Variants in LHX4 observed in about 807,000 individuals in gnomAD.
LHX4 encodes the protein LIM homeobox 4.
A neutral mutation model predicts 39.2 loss-of-function variants in LHX4; 16 were observed. The observed-to-expected ratio is 0.41, with a 90% CI of 0.28 to 0.62. The LOEUF (loss-of-function observed/expected upper bound fraction) is 0.62. LHX4 is among the 20% of genes least tolerant of loss of function. The pLI, the probability that LHX4 is intolerant of heterozygous loss-of-function variation, is 0.33. For missense variants in LHX4, 439 were observed against 511.9 expected (o/e 0.86, Z 1.37); for synonymous variants, 206 against 198.1 (o/e 1.04, Z -0.33).
In LHX4 at chr1:180,271,906, G is replaced by A; in HGVS notation, c.678G>A (p.Gln226=). The stretch of plus-strand genomic sequence containing the variant: ...ATGCAGGGCGGCACCGCTGGGGGCA[G>A]TTCTATAAGAGCGTCAAGAGGAGCC... ...KKDAGRHRWG[Q]FYKSVKRSRG... is the part of the protein sequence containing the mutation. The change falls in exon 5 of 6, where the codon CAG becomes CAA. Residue 226 remains glutamine (Q), a synonymous_variant. Coordinates refer to ENST00000263726, the MANE Select transcript of LHX4 (RefSeq NM_033343.4). 6.2e-7 allele frequency: 1 copy of A among 1,613,696 alleles called. No homozygotes were observed. The highest frequency in any genetic ancestry group is 1.1e-5 in the South Asian group (1 of 91,060).
chr1:180,230,817 T>C lies in LHX4; in HGVS notation c.76+212T>C, dbSNP rs767673410. On this transcript the variant is annotated intron_variant, in intron 1 of 5. Coordinates refer to ENST00000263726, the MANE Select transcript of LHX4 (RefSeq NM_033343.4). The surrounding 1 kb of genome is among the most constrained non-coding windows in gnomAD (Gnocchi z 5.8). ...CCGAATGTGAACGCCTCCTGGATCA[T>C]GCTTGAGGCGAGCCGAGTACCGAAC... 1.6e-4 allele frequency among the ~76,000 whole-genome samples: 24 copies of C among 152,132 alleles called. No homozygotes were observed. Among genetic ancestry groups the C allele is most frequent in the East Asian group, 3.9e-4 (2 of 5,172 alleles).
At chr1:180,247,908 G>A (rs761150287) in intron 1 of LHX4, among the ~76,000 whole-genome samples, 17 of 152,168 alleles carry the variant, frequency 1.1e-4, no homozygotes, top group Admixed American at 2.6e-4. Flanking sequence ...TGAAAATGTC[G>A]TGGAAACAGA....
rs1301761378 is a variant in LHX4, at chr1:180,234,268, G to A, written c.76+3663G>A. On this transcript the variant is annotated intron_variant, in intron 1 of 5. Transcript: ENST00000263726. The surrounding 1 kb of genome is among the most constrained non-coding windows in gnomAD (Gnocchi z 4.8). ...TTCCGAACATTCCGATATAGCAGCTGTAGGCACCATAGACCTCCCTCCCTG... is the reference window on the plus strand; with the variant it reads ...TTCCGAACATTCCGATATAGCAGCTATAGGCACCATAGACCTCCCTCCCTG... Among the ~76,000 whole-genome samples the A allele has an allele frequency of 6.9e-6, 1 of 144,006 alleles. No homozygotes were observed. Among genetic ancestry groups the A allele is most frequent in the Non-Finnish European group, 1.5e-5 (1 of 66,250 alleles). The allele number at this position is 144,006 out of a possible 152,430, so 94.5% of individuals were successfully genotyped here. A position where few individuals can be genotyped will look rare whatever the true frequency, so the allele number is the denominator to read the frequency against.
At position 180,265,418 on chromosome 1, in the gene LHX4, C is replaced by T. The variant is rs79708460; in HGVS notation, c.249-974C>T. Among the ~76,000 whole-genome samples, 22 of 152,296 alleles carry T rather than the reference C, an allele frequency of 1.4e-4. No individual in the cohort carries two copies. In the East Asian group the frequency reaches 3.7e-3, roughly 25 times the overall value. On this transcript the variant is annotated intron_variant, in intron 2 of 5. Transcript: ENST00000263726. Reference sequence around the variant, plus strand: ...TCCCTGTCGGCCCCCAAATTTCCCTCGTCTCCTATGACCATCGGTGTGCCT... The same window carrying T: ...TCCCTGTCGGCCCCCAAATTTCCCTTGTCTCCTATGACCATCGGTGTGCCT...
chr1:180,258,468 A>T (rs1471466775), intron 2 of LHX4, among the ~76,000 whole-genome samples: 3 of 152,192 alleles, frequency 2.0e-5, no homozygotes, highest in Non-Finnish European at 4.4e-5. Flanking sequence ...GGAAGGTTTC[A>T]GCAGGGGAGG....
At chr1:180,271,300 AGGAT>A in intron 3 of LHX4, 76 bp from the exon 4 acceptor site, 1 of 1,513,736 alleles carries the variant, frequency 6.6e-7, no homozygotes, top group Non-Finnish European at 9.2e-7. Context: ...AGGTGCAGAA[AGGAT>A]GGAAGGGAGG....
In LHX4 at chr1:180,230,592, T is replaced by C. The variant is rs75857235; in HGVS notation, c.63T>C (p.Gly21=). Residue 21 remains glycine (G), a synonymous_variant, in exon 1 of 6, where the codon GGT becomes GGC. Transcript: ENST00000263726. This position sits in a 1 kb window ranked among gnomAD's most constrained non-coding sequence, Gnocchi z 5.8. Reference sequence around the variant, plus strand: ...TCAAGGGGCTCCCGGAGATGCTAGGTGTGCCGATGCAACGTAAGACACCCC... The same window carrying C: ...TCAAGGGGCTCCCGGAGATGCTAGGCGTGCCGATGCAACGTAAGACACCCC... ...GAVKGLPEML[G]VPMQQIPQCA... is the part of the protein sequence containing the mutation. The C allele has an allele frequency of 4.8e-3, 7,719 of 1,613,584 alleles. 382 individuals are homozygous for C. The East Asian group carries it at 0.13, about 26-fold the overall frequency.
At chr1:180,244,964 G>T (rs755747170) in intron 1 of LHX4, among the ~76,000 whole-genome samples, 1 of 152,234 alleles carries the variant, frequency 6.6e-6, no homozygotes, top group African/African-American at 2.4e-5. Context: ...GCTGTGCCCC[G>T]CTGTCGGGGC....
intron 1 of LHX4, among the ~76,000 whole-genome samples, chr1:180,242,276 T>C (rs1664459264): frequency 6.6e-6 from 1 of 152,114 alleles, no homozygotes; most frequent in African/African-American, 2.4e-5. Flanking sequence ...TGTGTGTGTG[T>C]GTACATGTGA....
At chr1:180,261,483 A>C (rs1453939061) in intron 2 of LHX4, among the ~76,000 whole-genome samples, 1 of 152,140 alleles carries the variant, frequency 6.6e-6, no homozygotes, top group Non-Finnish European at 1.5e-5. Context: ...GGACCCAATC[A>C]CTACAAAACA....
intron 2 of LHX4, among the ~76,000 whole-genome samples, chr1:180,249,894 T>C (rs904188887): frequency 6.7e-5 from 10 of 149,402 alleles, no homozygotes; most frequent in Non-Finnish European, 1.2e-4. Flanking sequence ...TGAGTGTGTG[T>C]ATGAGTGTGT....
chr1:180,228,728 A>T (rs1039349236), upstream of LHX4, among the ~76,000 whole-genome samples: 1 of 152,190 alleles, frequency 6.6e-6, no homozygotes, highest in African/African-American at 2.4e-5. Context: ...CATTGGAGAC[A>T]AATTCTAAGC....
intron 5 of LHX4, chr1:180,273,819 C>T: frequency 3.5e-6 from 1 of 284,720 alleles, no homozygotes; most frequent in Non-Finnish European, 6.8e-6. Context: ...TAAATGTTGT[C>T]AGCATGTAGT....
intron 5 of LHX4, 76 bp downstream of exon 5, chr1:180,272,082 G>C (rs913585711): frequency 7.1e-7 from 1 of 1,405,240 alleles, no homozygotes; most frequent in Admixed American, 2.3e-5. Context: ...GCACTCAGGA[G>C]GGATCTTTCT....
intron 3 of LHX4, chr1:180,269,677 A>T (rs544662083): frequency 6.6e-6 from 1 of 152,210 alleles, no homozygotes; most frequent in Non-Finnish European, 1.5e-5. Flanking sequence ...ATTATTTCAC[A>T]TTTTTTAATA....
chr1:180,229,261 G>T (rs1664098652), upstream of LHX4, among the ~76,000 whole-genome samples: 1 of 152,232 alleles, frequency 6.6e-6, no homozygotes, highest in Non-Finnish European at 1.5e-5. Context: ...GTGGCAGCCG[G>T]AGAGGCAGAG....
At chr1:180,246,987 C>T (rs561725212) in intron 1 of LHX4, among the ~76,000 whole-genome samples, 1 of 152,318 alleles carries the variant, frequency 6.6e-6, no homozygotes, top group East Asian at 1.9e-4. Context: ...TTGCCAGCCT[C>T]GTGAGTGCTG....
chr1:180,266,983 C>G lies in LHX4; in HGVS notation c.451+389C>G, dbSNP rs1301250870. 6.6e-6 allele frequency among the ~76,000 whole-genome samples: 1 copy of G among 152,170 alleles called. No homozygotes were observed. Among genetic ancestry groups the G allele is most frequent in the Non-Finnish European group, 1.5e-5 (1 of 68,026 alleles). On this transcript the variant is annotated intron_variant, in intron 3 of 5. Transcript: ENST00000263726. The surrounding 1 kb of genome is among the most constrained non-coding windows in gnomAD (Gnocchi z 5.7). The stretch of plus-strand genomic sequence containing the variant: ...CGTGGGGCTGCCGCTTAGTTTTGCA[C>G]ATCAGGGTGCACATGGACCTCTCAG...
At chr1:180,230,239 C>T, upstream of LHX4, 4 of 461,422 alleles carry the variant, frequency 8.7e-6, no homozygotes, top group Non-Finnish European at 1.6e-5. The surrounding 1 kb of genome is among the most constrained non-coding windows in gnomAD (Gnocchi z 5.8). Context: ...AAGGAGCGGG[C>T]GGGGGAGGGA....
Sources: gnomAD v4.1 joint callset for allele counts (sites outside exome capture counted in the v4.1 genomes callset) on GRCh38, gnomAD v4.1.1 for gene constraint, Gnocchi (gnomAD v3.1) non-coding constraint, MANE v1.5 for transcripts, NCBI Gene and HGNC (gene_info 2026-07-23, HGNC 2026-07-21) for gene names.